Variants in RPS6KC1 observed in about 807,000 individuals in gnomAD.
RPS6KC1 encodes ribosomal protein S6 kinase C1, also known as inactive ribosomal protein S6 kinase delta-1.
In RPS6KC1, 54 loss-of-function variants were observed where a neutral mutation model predicts 103.8. The observed-to-expected ratio is 0.52, with a 90% CI of 0.42 to 0.65. The LOEUF (loss-of-function observed/expected upper bound fraction) is 0.65, where lower values mean the gene tolerates loss of function less well. Ranked by LOEUF, RPS6KC1 falls within the 30% of genes least tolerant of loss-of-function variation. RPS6KC1 has a pLI of 0.00. For missense variants in RPS6KC1, 1,151 were observed against 1,253.8 expected, an observed-to-expected ratio of 0.92 and a Z score of 1.24; for synonymous variants, 439 against 438.7, an observed-to-expected ratio of 1.00 and a Z score of -0.01.
chr1:213,736,479 T>C, the RPS6KC1 span, among the ~76,000 whole-genome samples: 4 of 152,200 alleles, frequency 2.6e-5, no homozygotes, highest in African/African-American at 9.7e-5. Context: ...TGCCAAGCCT[T>C]CAAGAAGAGT....
the RPS6KC1 span, among the ~76,000 whole-genome samples, chr1:213,564,333 A>G: frequency 2.6e-5 from 4 of 152,126 alleles, no homozygotes; most frequent in Non-Finnish European, 5.9e-5. Context: ...ACACTTTGTG[A>G]TATTGGACCT....
chr1:213,272,459 A>T (rs1372151991), intron 14 of RPS6KC1, 65 bp from the exon 15 acceptor site: 1 of 1,257,668 alleles, frequency 8.0e-7, no homozygotes, highest in Non-Finnish European at 1.2e-6. Flanking sequence ...TTTCTTTTCA[A>T]ATATTGGTTT....
intron 3 of RPS6KC1, among the ~76,000 whole-genome samples, chr1:213,098,088 G>T (rs1437687867): frequency 6.6e-6 from 1 of 152,098 alleles, no homozygotes; most frequent in Non-Finnish European, 1.5e-5. Flanking sequence ...GCTAACTGGT[G>T]CAAGAGGCCT....
the RPS6KC1 span, among the ~76,000 whole-genome samples, chr1:213,515,442 A>C: frequency 1.8e-4 from 27 of 152,208 alleles, no homozygotes; most frequent in African/African-American, 6.5e-4. Context: ...TCAGCTTTCT[A>C]CATATGGCTA....
At chr1:213,118,021 C>CAAAAAAATA (rs2083877565) in intron 5 of RPS6KC1, among the ~76,000 whole-genome samples, 1 of 34,182 alleles carries the variant, frequency 2.9e-5, no homozygotes, top group East Asian at 7.3e-4. Context: ...GACTTTGTCT[C>CAAAAAAATA]AAAAAAAAAA....
chr1:213,586,234 C>T, the RPS6KC1 span, among the ~76,000 whole-genome samples: 191 of 152,310 alleles, frequency 1.3e-3, no homozygotes, highest in African/African-American at 4.3e-3. Context: ...TAAACCTCCC[C>T]GGGATGACTG....
the RPS6KC1 span, among the ~76,000 whole-genome samples, chr1:213,675,631 C>A: frequency 7.9e-5 from 12 of 152,222 alleles, no homozygotes; most frequent in East Asian, 2.3e-3. Flanking sequence ...AATCCCAGCA[C>A]TTTGGGAGGC....
At chr1:213,308,455 G>C in the RPS6KC1 span, among the ~76,000 whole-genome samples, 1 of 152,000 alleles carries the variant, frequency 6.6e-6, no homozygotes, top group Admixed American at 6.6e-5. Context: ...TCTAGGAACA[G>C]GTTATACAAA....
At chr1:213,053,593 C>G (rs2077109845) in intron 1 of RPS6KC1, among the ~76,000 whole-genome samples, 1 of 152,098 alleles carries the variant, frequency 6.6e-6, no homozygotes. Context: ...GCAGACACTA[C>G]AGAAAAGGGC....
chr1:213,193,660 G>A lies in RPS6KC1; in HGVS notation c.1044+17168G>A, dbSNP rs78099272. Among the ~76,000 whole-genome samples, 980 of 152,020 alleles carry A rather than the reference G, an allele frequency of 6.4e-3. 14 individuals carry two copies. The highest frequency in any genetic ancestry group is 0.022 in the African/African-American group (908 of 41,460). On this transcript the variant is annotated intron_variant, in intron 8 of 14. Transcript: ENST00000366960. ...GTTTTTATTTTTATTTTTTCTGATG[G>A]AGTCTCACTACGTCACCCAGGCTGG...
the RPS6KC1 span, among the ~76,000 whole-genome samples, chr1:213,474,820 TA>T: frequency 4.6e-5 from 7 of 150,708 alleles, no homozygotes; most frequent in East Asian, 1.9e-4. Flanking sequence ...AAATTCAAAT[TA>T]AAAAAAAAGG....
chr1:213,320,878 C>T, the RPS6KC1 span, among the ~76,000 whole-genome samples: 12 of 152,194 alleles, frequency 7.9e-5, no homozygotes, highest in African/African-American at 2.9e-4. Flanking sequence ...TTATGGGCAG[C>T]CTGTCCTGTT....
At chr1:213,665,744 C>T in the RPS6KC1 span, among the ~76,000 whole-genome samples, 1 of 152,196 alleles carries the variant, frequency 6.6e-6, no homozygotes, top group Non-Finnish European at 1.5e-5. Flanking sequence ...GGTTTCACTA[C>T]ACTGTTGTTT....
intron 3 of RPS6KC1, among the ~76,000 whole-genome samples, chr1:213,080,790 C>G (rs966713146): frequency 6.6e-6 from 1 of 152,192 alleles, no homozygotes; most frequent in Non-Finnish European, 1.5e-5. Flanking sequence ...GTCTTTAACA[C>G]CTGTGCTCAG....
At chr1:213,230,580 A>C in intron 9 of RPS6KC1, 36 bp downstream of exon 9, 1 of 1,542,830 alleles carries the variant, frequency 6.5e-7, no homozygotes, top group Non-Finnish European at 8.9e-7. Flanking sequence ...GGTGCCTATA[A>C]TTCCAGCACT....
chr1:213,102,561 A>G (rs2082107709), intron 3 of RPS6KC1, among the ~76,000 whole-genome samples: 1 of 152,246 alleles, frequency 6.6e-6, no homozygotes, highest in Non-Finnish European at 1.5e-5. Context: ...GCCTAACTGC[A>G]AAGCAAGCTG....
chr1:213,375,189 A>G, the RPS6KC1 span, among the ~76,000 whole-genome samples: 1 of 152,072 alleles, frequency 6.6e-6, no homozygotes, highest in Non-Finnish European at 1.5e-5. Flanking sequence ...ACACACATGT[A>G]CATACACATA....
the RPS6KC1 span, among the ~76,000 whole-genome samples, chr1:213,395,618 G>C: frequency 1.3e-5 from 2 of 152,208 alleles, no homozygotes; most frequent in Admixed American, 1.3e-4. Flanking sequence ...AAAGGCCCCA[G>C]TTTGTAGCCA....
chr1:213,392,395 C>A, the RPS6KC1 span, among the ~76,000 whole-genome samples: 1 of 151,962 alleles, frequency 6.6e-6, no homozygotes, highest in African/African-American at 2.4e-5. Flanking sequence ...TGGCACGATA[C>A]AAGCAGAGAT....
Sources: allele counts gnomAD v4.1 joint callset (sites outside exome capture counted in the v4.1 genomes callset), GRCh38; gene constraint gnomAD v4.1.1; transcripts MANE v1.5; gene names NCBI Gene and HGNC (gene_info 2026-07-23, HGNC 2026-07-21).